Variants in MAP3K5 observed in about 807,000 individuals in gnomAD.
MAP3K5 encodes the protein ASK-1.
MAP3K5 carries 56 observed loss-of-function variants against 158.7 expected under a neutral mutation model. That is an observed-to-expected ratio of 0.35 (90% confidence interval 0.28 to 0.44). The LOEUF is 0.44. Ranked by LOEUF, MAP3K5 falls within the 20% of genes least tolerant of loss-of-function variation. The probability of loss-of-function intolerance (pLI) is 1.00; values close to 1 mark genes in which losing one functional copy is unlikely to be tolerated. For synonymous variants in MAP3K5, 579 were observed against 601.7 expected, an observed-to-expected ratio of 0.96 and a Z score of 0.55; for missense variants, 1,294 against 1,674.8, an observed-to-expected ratio of 0.77 and a Z score of 3.97.
chr6:136,654,868 A>G (rs1778675678), intron 10 of MAP3K5, among the ~76,000 whole-genome samples: 1 of 152,024 alleles, frequency 6.6e-6, no homozygotes, highest in East Asian at 1.9e-4. Context: ...TGGCATGTTC[A>G]TGGTGTTTTT....
chr6:136,726,043 T>C (rs1739473311), intron 1 of MAP3K5, among the ~76,000 whole-genome samples: 1 of 152,224 alleles, frequency 6.6e-6, no homozygotes, highest in Non-Finnish European at 1.5e-5. Context: ...AACACAACAA[T>C]TGTTTGGACT....
chr6:136,625,693 C>T (rs945558088), intron 14 of MAP3K5, among the ~76,000 whole-genome samples: 11 of 152,128 alleles, frequency 7.2e-5, no homozygotes, highest in African/African-American at 2.7e-4. Context: ...TCATGGCAGA[C>T]CCCTTGAAGT....
At chr6:136,715,527 ATGT>A (rs933417326) in intron 2 of MAP3K5, among the ~76,000 whole-genome samples, 1 of 152,204 alleles carries the variant, frequency 6.6e-6, no homozygotes. Context: ...ACTATTCTGA[ATGT>A]TGTTTATAAT....
At chr6:136,601,158 A>G in intron 20 of MAP3K5, 116 bp from the exon 21 acceptor site, 1 of 892,770 alleles carries the variant, frequency 1.1e-6, no homozygotes, top group South Asian at 1.5e-5. Context: ...CCAAACATTC[A>G]ATCTGCCCAT....
chr6:136,713,254 C>A (rs561803275), intron 2 of MAP3K5, among the ~76,000 whole-genome samples: 1 of 152,122 alleles, frequency 6.6e-6, no homozygotes, highest in African/African-American at 2.4e-5. Context: ...AGAGTCACTA[C>A]AAATGAGAAA....
At position 136,601,046 on chromosome 6, in the gene MAP3K5, T is replaced by A. The variant is rs1775851998; in HGVS notation, c.2858-4A>T. The A allele has an allele frequency of 1.2e-6, 2 of 1,613,610 alleles. No individual in the cohort carries two copies. Among genetic ancestry groups the A allele is most frequent in the South Asian group, 1.1e-5 (1 of 91,070 alleles). On this transcript the variant is annotated splice_polypyrimidine_tract_variant and splice_region_variant and intron_variant, in intron 20 of 29. Coordinates refer to ENST00000359015, the MANE Select transcript of MAP3K5 (RefSeq NM_005923.4). Reference sequence around the variant, plus strand: ...CCATTTGATCCAGCTGAAAGAGCTGTGGAAAGAAAAGCAAACAGCCATGAA... The same window carrying A: ...CCATTTGATCCAGCTGAAAGAGCTGAGGAAAGAAAAGCAAACAGCCATGAA...
At chr6:136,754,986 C>T (rs548160273) in intron 1 of MAP3K5, among the ~76,000 whole-genome samples, 1 of 152,236 alleles carries the variant, frequency 6.6e-6, no homozygotes, top group Admixed American at 6.5e-5. Context: ...ATCATGAAGT[C>T]CCATCAATTC....
Position 136,557,993 on chromosome 6 carries a change from C to T in MAP3K5, c.4065-175G>A, listed in dbSNP as rs188299268. Among the ~76,000 whole-genome samples the T allele has an allele frequency of 2.6e-5, 4 of 152,346 alleles. No homozygotes were observed. In the South Asian group the frequency reaches 6.2e-4, roughly 24 times the overall value. On this transcript the variant is annotated intron_variant, in intron 29 of 29. Transcript: ENST00000359015. ...TTTTCTCATCTTCCCTCCATTCCTTCCCTTTTCACTCCCACAAACTGCTAT... is the reference window on the plus strand; with the variant it reads ...TTTTCTCATCTTCCCTCCATTCCTTTCCTTTTCACTCCCACAAACTGCTAT...
intron 5 of MAP3K5, 134 bp from the exon 6 acceptor site, chr6:136,696,191 G>A (rs1780593887): frequency 1.8e-6 from 1 of 566,712 alleles, no homozygotes; most frequent in Non-Finnish European, 3.1e-6. Context: ...AGAACACTTT[G>A]AAGAACCTAG....
intron 19 of MAP3K5, 45 bp downstream of exon 19, chr6:136,605,164 A>G: frequency 3.1e-6 from 5 of 1,591,374 alleles, no homozygotes; most frequent in Non-Finnish European, 4.3e-6. Context: ...TCCAACAGCT[A>G]TAAAAAGCTT....
intron 1 of MAP3K5, among the ~76,000 whole-genome samples, chr6:136,761,523 T>C (rs1165534280): frequency 6.6e-6 from 1 of 151,850 alleles, no homozygotes; most frequent in Non-Finnish European, 1.5e-5. Flanking sequence ...CCAGCAACTG[T>C]CAACACAATA....
At chr6:136,591,234 C>A (rs1460480208) in intron 23 of MAP3K5, among the ~76,000 whole-genome samples, 1 of 152,228 alleles carries the variant, frequency 6.6e-6, no homozygotes, top group African/African-American at 2.4e-5. Flanking sequence ...TTATTAGTAG[C>A]ATGAGAACAG....
At chr6:136,694,338 T>G (rs752650419) in intron 6 of MAP3K5, 28 bp from the exon 7 acceptor site, 2 of 1,576,426 alleles carry the variant, frequency 1.3e-6, no homozygotes, top group Non-Finnish European at 1.7e-6. Flanking sequence ...GTTGTTTCAA[T>G]ATACATTACA....
chr6:136,708,732 T>C (rs1288067480), intron 2 of MAP3K5, among the ~76,000 whole-genome samples: 1 of 152,104 alleles, frequency 6.6e-6, no homozygotes, highest in Non-Finnish European at 1.5e-5. Flanking sequence ...AAATAGTTAA[T>C]ATTGCGCACA....
At chr6:136,595,829 G>GT (rs1207398991) in intron 21 of MAP3K5, among the ~76,000 whole-genome samples, 1 of 152,056 alleles carries the variant, frequency 6.6e-6, no homozygotes, top group African/African-American at 2.4e-5. Context: ...CACCAACATG[G>GT]TGAAACCTCG....
At chr6:136,572,400 A>T (rs1228458496) in intron 25 of MAP3K5, among the ~76,000 whole-genome samples, 1 of 152,206 alleles carries the variant, frequency 6.6e-6, no homozygotes, top group Non-Finnish European at 1.5e-5. Flanking sequence ...CTGGGATTAC[A>T]GGCATGTGCC....
At chr6:136,769,108 T>C (rs917907705) in intron 1 of MAP3K5, among the ~76,000 whole-genome samples, 4 of 152,112 alleles carry the variant, frequency 2.6e-5, no homozygotes, top group Non-Finnish European at 4.4e-5. Flanking sequence ...CAAAGGTCCA[T>C]CAGCTGATGA....
At chr6:136,728,102 CA>C (rs1375891278) in intron 1 of MAP3K5, among the ~76,000 whole-genome samples, 2 of 152,028 alleles carry the variant, frequency 1.3e-5, no homozygotes, top group African/African-American at 4.8e-5. Context: ...GAGGATAACA[CA>C]AGGTTTATCA....
intron 15 of MAP3K5, among the ~76,000 whole-genome samples, chr6:136,615,601 G>GT (rs1776529090): frequency 6.6e-6 from 1 of 152,190 alleles, no homozygotes; most frequent in Admixed American, 6.5e-5. Flanking sequence ...TTGGAGCCTA[G>GT]TGCAGGAGCT....
Sources: gnomAD v4.1 joint callset for allele counts (sites outside exome capture counted in the v4.1 genomes callset) on GRCh38, gnomAD v4.1.1 for gene constraint, MANE v1.5 for transcripts, NCBI Gene and HGNC (gene_info 2026-07-23, HGNC 2026-07-21) for gene names.